SMAD5: variants seen among roughly 807,000 people sequenced by gnomAD.
SMAD5 encodes the protein MAD, mothers against decapentaplegic homolog 5.
In SMAD5, 9 loss-of-function variants were observed where a neutral mutation model predicts 43.1. That is an observed-to-expected ratio of 0.21 (90% CI 0.13 to 0.36). SMAD5 has a LOEUF of 0.36. Ranked by LOEUF, SMAD5 falls within the 10% of genes least tolerant of loss-of-function variation. The probability of loss-of-function intolerance (pLI) is 1.00; values close to 1 mark genes in which losing one functional copy is unlikely to be tolerated. For missense variants in SMAD5, 348 were observed against 574.0 expected (o/e 0.61, Z 4.02); for synonymous variants, 190 against 192.4 (o/e 0.99, Z 0.10).
intron 5 of SMAD5, among the ~76,000 whole-genome samples, chr5:136,164,569 G>A (rs550068323): frequency 6.3e-4 from 96 of 152,218 alleles, no homozygotes; most frequent in Non-Finnish European, 9.9e-4. Context: ...TTTGCCCATT[G>A]GGTTGTCTTA....
chr5:136,154,810 A>AT (rs1229739689), intron 3 of SMAD5, among the ~76,000 whole-genome samples: 1 of 152,064 alleles, frequency 6.6e-6, no homozygotes, highest in Non-Finnish European at 1.5e-5. Flanking sequence ...TCAAGGGGTC[A>AT]TTTTTGAGTC....
At chr5:136,176,396 A>G (rs564180660) in intron 7 of SMAD5, among the ~76,000 whole-genome samples, 2 of 142,240 alleles carry the variant, frequency 1.4e-5, no homozygotes. Context: ...CGGAGGTTGC[A>G]GTTAGCCAAG....
chr5:136,134,344 G>T (rs1236125906), intron 1 of SMAD5: 1 of 152,236 alleles, frequency 6.6e-6, no homozygotes, highest in Non-Finnish European at 1.5e-5. Context: ...TACCTGAATT[G>T]CCCAGAGTGA....
chr5:136,145,893 G>GA (rs778288543), intron 1 of SMAD5, among the ~76,000 whole-genome samples: 2 of 151,872 alleles, frequency 1.3e-5, no homozygotes, highest in Non-Finnish European at 2.9e-5. Context: ...CTTTGTGAAA[G>GA]ACATAGAAGC....
At chr5:136,135,568 A>G (rs897946878) in intron 1 of SMAD5, among the ~76,000 whole-genome samples, 1 of 152,180 alleles carries the variant, frequency 6.6e-6, no homozygotes, top group African/African-American at 2.4e-5. Context: ...TAATACAGTT[A>G]CTTAAGTTGA....
intron 1 of SMAD5, among the ~76,000 whole-genome samples, chr5:136,142,149 T>C (rs1264780574): frequency 6.6e-6 from 1 of 152,204 alleles, no homozygotes; most frequent in Non-Finnish European, 1.5e-5. Context: ...ACAGCTCTTC[T>C]CGTGGAATTT....
intron 1 of SMAD5, among the ~76,000 whole-genome samples, chr5:136,144,992 G>A (rs1268189249): frequency 6.6e-6 from 1 of 151,780 alleles, no homozygotes; most frequent in Non-Finnish European, 1.5e-5. Context: ...AAAAAAAAGA[G>A]TTAAAAGAAT....
At position 136,173,597 on chromosome 5, in the gene SMAD5, T is replaced by A. The variant is rs188714606; in HGVS notation, c.998-779T>A. Among the ~76,000 whole-genome samples the A allele has an allele frequency of 3.3e-3, 509 of 152,100 alleles. 7 individuals are homozygous for A. The highest frequency in any genetic ancestry group is 0.011 in the African/African-American group (473 of 41,500). On this transcript the variant is annotated intron_variant, in intron 6 of 7. Coordinates refer to ENST00000545279, the MANE Select transcript of SMAD5 (RefSeq NM_005903.7). The stretch of plus-strand genomic sequence containing the variant: ...TGATTTTTTTTTTCTTCCATCACAG[T>A]AGAAGTAATTTAAGGGAAATCTATT...
intron 5 of SMAD5, among the ~76,000 whole-genome samples, chr5:136,167,292 T>G (rs1375580110): frequency 1.3e-5 from 2 of 152,188 alleles, no homozygotes; most frequent in Non-Finnish European, 2.9e-5. Context: ...GTATAAACTT[T>G]GTATAAACTT....
chr5:136,174,998 A>G (rs1017451439), intron 7 of SMAD5, among the ~76,000 whole-genome samples: 5 of 152,178 alleles, frequency 3.3e-5, no homozygotes, highest in Non-Finnish European at 5.9e-5. Context: ...GGTTTAATGA[A>G]CTCACAGTTC....
In SMAD5 at chr5:136,161,125, T is replaced by G. The variant is rs930246799; in HGVS notation, c.655+18T>G. 1.3e-6 allele frequency: 2 copies of G among 1,577,320 alleles called. No individual in the cohort carries two copies. The highest frequency in any genetic ancestry group is 1.7e-6 in the Non-Finnish European group (2 of 1,169,538). Reference sequence around the variant, plus strand: ...GCTCCCAGGTAAGACTTTATTTTATTGATACCAAAAAAAAAAAAATTCCTA... The same window carrying G: ...GCTCCCAGGTAAGACTTTATTTTATGGATACCAAAAAAAAAAAAATTCCTA... On this transcript the variant is annotated intron_variant, in intron 4 of 7. Coordinates refer to ENST00000545279, the MANE Select transcript of SMAD5 (RefSeq NM_005903.7).
At chr5:136,160,257 T>C (rs1433517283) in intron 3 of SMAD5, among the ~76,000 whole-genome samples, 1 of 152,196 alleles carries the variant, frequency 6.6e-6, no homozygotes, top group Non-Finnish European at 1.5e-5. Flanking sequence ...ACGTAAAACA[T>C]GAGATCTTTC....
At chr5:136,141,150 G>T (rs1753066796) in intron 1 of SMAD5, among the ~76,000 whole-genome samples, 1 of 151,864 alleles carries the variant, frequency 6.6e-6, no homozygotes, top group Non-Finnish European at 1.5e-5. Flanking sequence ...TAGTGGCCAG[G>T]GATTAAGAAA....
chr5:136,162,903 T>C (rs1753871229), intron 4 of SMAD5, among the ~76,000 whole-genome samples: 1 of 152,242 alleles, frequency 6.6e-6, no homozygotes, highest in South Asian at 2.1e-4. Context: ...CTGTAGTAGA[T>C]ATATACCCAA....
At chr5:136,142,626 G>A (rs1027239728) in intron 1 of SMAD5, among the ~76,000 whole-genome samples, 2 of 152,040 alleles carry the variant, frequency 1.3e-5, no homozygotes, top group Non-Finnish European at 2.9e-5. Context: ...TAAACCAAAG[G>A]TATACTATGA....
intron 1 of SMAD5, among the ~76,000 whole-genome samples, chr5:136,135,180 G>A (rs763533311): frequency 3.3e-5 from 5 of 152,170 alleles, no homozygotes; most frequent in Non-Finnish European, 7.4e-5. Context: ...GCAGAATGTT[G>A]TTACTAATGA....
chr5:136,172,692 A>G (rs4585442), intron 6 of SMAD5, 37 bp downstream of exon 6: 426,248 of 1,358,494 alleles, frequency 0.31, 70,292 homozygotes, highest in African/African-American at 0.53. Flanking sequence ...ATCGAATTCA[A>G]TCATTTGTTG....
intron 1 of SMAD5, among the ~76,000 whole-genome samples, chr5:136,140,861 T>C (rs1753057950): frequency 6.6e-6 from 1 of 152,020 alleles, no homozygotes; most frequent in African/African-American, 2.4e-5. Flanking sequence ...GCTCCTAAAA[T>C]GCTATCTTAA....
intron 3 of SMAD5, among the ~76,000 whole-genome samples, chr5:136,154,490 A>G (rs1224684583): frequency 1.3e-5 from 2 of 152,140 alleles, no homozygotes; most frequent in Non-Finnish European, 2.9e-5. Flanking sequence ...TGTCAAATGA[A>G]GAACTTTGTT....
Sources: allele counts gnomAD v4.1 joint callset (sites outside exome capture counted in the v4.1 genomes callset), GRCh38; gene constraint gnomAD v4.1.1; transcripts MANE v1.5; gene names NCBI Gene and HGNC (gene_info 2026-07-23, HGNC 2026-07-21).